Variants in KCNMA1 observed in about 807,000 individuals in gnomAD.
KCNMA1 encodes the protein Calcium-activated potassium channel subunit alpha-1.
KCNMA1 carries 29 observed loss-of-function variants against 140.0 expected under a neutral mutation model. The ratio of observed to expected loss-of-function variants is 0.21; its 90% CI spans 0.15 to 0.28. KCNMA1 has a LOEUF of 0.28. KCNMA1 is among the 10% of genes least tolerant of loss of function. The pLI, the probability that KCNMA1 is intolerant of heterozygous loss-of-function variation, is 1.00. For missense variants in KCNMA1, 880 were observed against 1,602.2 expected, an observed-to-expected ratio of 0.55 and a Z score of 7.70; for synonymous variants, 612 against 611.9, an observed-to-expected ratio of 1.00 and a Z score of 0.00.
chr10:77,594,505 C>A (rs1331915376), intron 1 of KCNMA1, among the ~76,000 whole-genome samples: 1 of 152,156 alleles, frequency 6.6e-6, no homozygotes, highest in South Asian at 2.1e-4. Context: ...TACCTAAGTG[C>A]CTACCCTTGC....
chr10:77,366,486 T>A (rs909935091), intron 2 of KCNMA1, among the ~76,000 whole-genome samples: 2 of 152,158 alleles, frequency 1.3e-5, no homozygotes, highest in Non-Finnish European at 2.9e-5. Flanking sequence ...CTTTTTAACA[T>A]TTTTATTATT....
At chr10:77,200,059 T>A (rs1409629974) in intron 3 of KCNMA1, among the ~76,000 whole-genome samples, 1 of 152,160 alleles carries the variant, frequency 6.6e-6, no homozygotes, top group East Asian at 1.9e-4. Context: ...CAAGCGATTC[T>A]CCTGCCTCAG....
At chr10:77,010,714 T>C (rs2090496898) in intron 18 of KCNMA1, among the ~76,000 whole-genome samples, 1 of 152,046 alleles carries the variant, frequency 6.6e-6, no homozygotes, top group Non-Finnish European at 1.5e-5. Context: ...TATAGATGAC[T>C]GGTTCTACAT....
rs150165908 is a variant in KCNMA1, at chr10:77,250,130, A to G, written c.602+1065T>C. 13 of 152,270 alleles carry G rather than the reference A, an allele frequency of 8.5e-5. No homozygotes were observed. The East Asian group carries it at 2.5e-3, about 29-fold the overall frequency. The allele number at this position is 152,270 out of a possible 1,614,324, so 9.4% of individuals were successfully genotyped here. On this transcript the variant is annotated intron_variant, in intron 3 of 27. Transcript: ENST00000286628. ...GAGTTTAGCTGTGCATGAAATTACC[A>G]CCATCCCAAGCCACAGGAAAGGAGC...
intron 1 of KCNMA1, among the ~76,000 whole-genome samples, chr10:77,472,656 T>C (rs2098191080): frequency 6.6e-6 from 1 of 152,258 alleles, no homozygotes; most frequent in Non-Finnish European, 1.5e-5. Context: ...TAGAGTCTGA[T>C]TTTCCCACAT....
At chr10:77,189,630 T>C (rs2098921516) in intron 3 of KCNMA1, among the ~76,000 whole-genome samples, 1 of 152,094 alleles carries the variant, frequency 6.6e-6, no homozygotes, top group South Asian at 2.1e-4. Flanking sequence ...CAAGATGATT[T>C]ACTAGGGACG....
chr10:77,322,458 G>A (rs1218672925), intron 2 of KCNMA1, among the ~76,000 whole-genome samples: 1 of 152,226 alleles, frequency 6.6e-6, no homozygotes, highest in Non-Finnish European at 1.5e-5. Context: ...CTCACAAGAT[G>A]TGTGCTGCAG....
intron 2 of KCNMA1, among the ~76,000 whole-genome samples, chr10:77,286,326 A>G (rs547391620): frequency 1.7e-4 from 26 of 152,166 alleles, no homozygotes; most frequent in Non-Finnish European, 3.2e-4. Flanking sequence ...GCTGATTGCC[A>G]AAGTTTAGAG....
chr10:77,416,793 G>A (rs752841754), intron 1 of KCNMA1, among the ~76,000 whole-genome samples: 7 of 152,270 alleles, frequency 4.6e-5, no homozygotes, highest in East Asian at 3.9e-4. Flanking sequence ...CCTAGCACAC[G>A]GTGAGCATTT....
chr10:77,071,346 C>T (rs538586934), intron 14 of KCNMA1: 1 of 152,374 alleles, frequency 6.6e-6, no homozygotes, highest in African/African-American at 2.4e-5. Context: ...CCTGCCAAAG[C>T]CCATGTTACA....
intron 14 of KCNMA1, among the ~76,000 whole-genome samples, chr10:77,056,865 A>G (rs2095557983): frequency 6.6e-6 from 1 of 152,200 alleles, no homozygotes; most frequent in South Asian, 2.1e-4. Flanking sequence ...TAAATTGTGC[A>G]ATTTGAACAA....
At chr10:77,425,074 T>TG (rs1477488641) in intron 1 of KCNMA1, among the ~76,000 whole-genome samples, 2 of 151,362 alleles carry the variant, frequency 1.3e-5, no homozygotes, top group African/African-American at 4.9e-5. Flanking sequence ...GATGGATGGG[T>TG]GGATGGATGA....
At chr10:76,876,138 T>C (rs956111032), downstream of KCNMA1, 6 of 152,626 alleles carry the variant, frequency 3.9e-5, no homozygotes, top group Admixed American at 3.3e-4. Context: ...GTCTTCATGA[T>C]GATCTCATTG....
intron 2 of KCNMA1, among the ~76,000 whole-genome samples, chr10:77,266,456 G>A (rs878970208): frequency 7.2e-5 from 11 of 152,104 alleles, no homozygotes; most frequent in South Asian, 2.1e-4. Flanking sequence ...GCCAAACTTC[G>A]TAAGAATGCT....
chr10:76,911,552 T>A (rs1345708859), intron 24 of KCNMA1: 1 of 152,230 alleles, frequency 6.6e-6, no homozygotes, highest in Non-Finnish European at 1.5e-5. Flanking sequence ...CTCATGAGGC[T>A]GTCAGGAGGC....
intron 2 of KCNMA1, among the ~76,000 whole-genome samples, chr10:77,332,620 A>T (rs1169314409): frequency 6.6e-6 from 1 of 152,182 alleles, no homozygotes; most frequent in East Asian, 1.9e-4. Flanking sequence ...AGCACCAGGC[A>T]TGGAACACTG....
chr10:76,971,671 C>T (rs1296615300), intron 19 of KCNMA1, among the ~76,000 whole-genome samples: 3 of 152,154 alleles, frequency 2.0e-5, no homozygotes, highest in Non-Finnish European at 4.4e-5. Flanking sequence ...GGCCCAAGCT[C>T]AGGCCGAGAC....
chr10:77,575,761 TC>T (rs543487484), intron 1 of KCNMA1, among the ~76,000 whole-genome samples: 155 of 152,342 alleles, frequency 1.0e-3, no homozygotes, highest in Non-Finnish European at 1.9e-3. Context: ...TTGCTTTATC[TC>T]CCCAGGAGTT....
At chr10:77,100,044 T>A (rs1017010417) in intron 9 of KCNMA1, among the ~76,000 whole-genome samples, 1 of 150,884 alleles carries the variant, frequency 6.6e-6, no homozygotes, top group Admixed American at 6.6e-5. Flanking sequence ...TGAATAAAAT[T>A]CCTGAAAAAA....
Sources: allele counts gnomAD v4.1 joint callset (sites outside exome capture counted in the v4.1 genomes callset), GRCh38; gene constraint gnomAD v4.1.1; transcripts MANE v1.5; gene names NCBI Gene and HGNC (gene_info 2026-07-23, HGNC 2026-07-21).